ULK4: variants seen among roughly 807,000 people sequenced by gnomAD.
ULK4 encodes the protein unc-51 like kinase 4, also known as inactive serine/threonine-protein kinase ULK4.
A neutral mutation model predicts 160.6 loss-of-function variants in ULK4; 133 were observed. The ratio of observed to expected loss-of-function variants is 0.83; its 90% CI spans 0.72 to 0.96. The LOEUF (loss-of-function observed/expected upper bound fraction) is 0.96, where lower values mean the gene tolerates loss of function less well. Among genes scored for constraint, ULK4 ranks in the 40% least tolerant of loss-of-function variants. ULK4 has a pLI of 0.00. For missense variants in ULK4, 1,580 were observed against 1,499.5 expected, an observed-to-expected ratio of 1.05 and a Z score of -0.89; for synonymous variants, 534 against 539.8, an observed-to-expected ratio of 0.99 and a Z score of 0.15.
At chr3:41,906,166 G>A (rs1416690990) in intron 12 of ULK4, among the ~76,000 whole-genome samples, 14 of 126,646 alleles carry the variant, frequency 1.1e-4, no homozygotes, top group African/African-American at 3.2e-4. Context: ...GCAGTGAGCC[G>A]AGATCCCGCC....
At chr3:41,932,143 AT>A (rs1456427847) in intron 4 of ULK4, 137 bp from the exon 5 acceptor site, 8 of 725,220 alleles carry the variant, frequency 1.1e-5, no homozygotes, top group South Asian at 3.4e-5. Flanking sequence ...AATGCTTATA[AT>A]TTTTTTAAAA....
intron 15 of ULK4, among the ~76,000 whole-genome samples, chr3:41,895,992 A>T (rs1201212467): frequency 6.6e-6 from 1 of 152,194 alleles, no homozygotes; most frequent in African/African-American, 2.4e-5. Flanking sequence ...AACATGAGCC[A>T]AAAGAAACAA....
At chr3:41,319,386 A>AT (rs1278578725) in intron 35 of ULK4, among the ~76,000 whole-genome samples, 2 of 152,230 alleles carry the variant, frequency 1.3e-5, no homozygotes, top group African/African-American at 4.8e-5. Flanking sequence ...AGCACTCTTC[A>AT]TATGTCCATG....
intron 35 of ULK4, among the ~76,000 whole-genome samples, chr3:41,384,935 G>T (rs1041797204): frequency 5.9e-5 from 9 of 152,022 alleles, no homozygotes; most frequent in African/African-American, 2.2e-4. Context: ...CATGCCTGTA[G>T]TCCCAGCTAC....
At chr3:41,470,044 A>AAAAAAAAAAAAAAAAAAAC (rs1415943037) in intron 32 of ULK4, among the ~76,000 whole-genome samples, 7 of 116,752 alleles carry the variant, frequency 6.0e-5, no homozygotes, top group Non-Finnish European at 8.8e-5. Context: ...AAAAAAAAAA[A>AAAAAAAAAAAAAAAAAAAC]AACAAAGTAT....
In ULK4 at chr3:41,754,469, A is replaced by G. The variant is rs1179922757; in HGVS notation, c.2213T>C (p.Ile738Thr). ...TGTTGAGGGGCTGTCAAGTAAACGG[A>G]TAATTGTGGAGACAAAACCCTGTAG... The part of the protein sequence containing the change: ...IQEKGFVSTI[I>T]RLLDSPSTCI... Residue 738 changes from isoleucine (I) to threonine (T), a missense_variant, in exon 22 of 37, where the codon ATC (isoleucine) becomes ACC (threonine). By Grantham distance (89) the Ile-to-Thr change is moderately conservative (BLOSUM62 -1). Transcript: ENST00000301831. 3.1e-6 allele frequency: 5 copies of G among 1,613,176 alleles called. No individual in the cohort carries two copies. The African/African-American group carries it at 6.7e-5, about 22-fold the overall frequency.
At chr3:41,299,333 A>G (rs9852315) in intron 35 of ULK4, among the ~76,000 whole-genome samples, 45,408 of 152,092 alleles carry the variant, frequency 0.3, 7,135 homozygotes, top group Middle Eastern at 0.35. Context: ...CTGACCAAGG[A>G]TGCATGAGGG....
chr3:41,866,973 T>C (rs1696911052), intron 17 of ULK4, among the ~76,000 whole-genome samples: 1 of 152,184 alleles, frequency 6.6e-6, no homozygotes, highest in Non-Finnish European at 1.5e-5. Context: ...TAATTTGTAT[T>C]TTCTCTTTAC....
At chr3:41,942,612 G>A (rs991903129) in intron 2 of ULK4, among the ~76,000 whole-genome samples, 2 of 151,938 alleles carry the variant, frequency 1.3e-5, no homozygotes, top group Non-Finnish European at 2.9e-5. Flanking sequence ...GAGGTCAGGA[G>A]TTCAAAACCA....
At chr3:41,818,028 G>T (rs140692406) in intron 19 of ULK4, among the ~76,000 whole-genome samples, 467 of 150,918 alleles carry the variant, frequency 3.1e-3, no homozygotes, top group African/African-American at 0.011. Flanking sequence ...TGATGGCAAG[G>T]ATGTGAAGAA....
intron 11 of ULK4, among the ~76,000 whole-genome samples, chr3:41,911,007 T>A (rs932453539): frequency 2.0e-5 from 3 of 152,216 alleles, no homozygotes; most frequent in Non-Finnish European, 4.4e-5. Context: ...AAATTTTAAG[T>A]TCAATTCTAT....
At chr3:41,257,798 T>C (rs1047320319) in intron 35 of ULK4, among the ~76,000 whole-genome samples, 2 of 152,160 alleles carry the variant, frequency 1.3e-5, no homozygotes, top group African/African-American at 4.8e-5. Flanking sequence ...AACCAAGCTG[T>C]CCTTCAACAG....
intron 17 of ULK4, among the ~76,000 whole-genome samples, chr3:41,846,569 C>CCGAG (rs1489128496): frequency 3.3e-5 from 5 of 152,044 alleles, no homozygotes; most frequent in Admixed American, 3.3e-4. Flanking sequence ...CTTTGGGAGG[C>CCGAG]CGAGGCAGGC....
intron 32 of ULK4, among the ~76,000 whole-genome samples, chr3:41,494,964 A>C (rs1448961044): frequency 2.0e-5 from 3 of 152,252 alleles, no homozygotes; most frequent in African/African-American, 4.8e-5. Context: ...TTCCATGCTC[A>C]TAGGTAGGAA....
intron 32 of ULK4, among the ~76,000 whole-genome samples, chr3:41,473,087 G>A (rs1306305982): frequency 6.6e-6 from 1 of 152,036 alleles, no homozygotes; most frequent in African/African-American, 2.4e-5. Context: ...ACAAATCAAT[G>A]TACCTCAACA....
At chr3:41,289,808 TATGTATGTA>T (rs1475861547) in intron 35 of ULK4, among the ~76,000 whole-genome samples, 4 of 248 alleles carry the variant, frequency 0.016, no homozygotes, top group Non-Finnish European at 0.057. Flanking sequence ...TAGGTCAACT[TATGTATGTA>T]TGTATGTATG....
chr3:41,250,758 CT>C, intron 35 of ULK4, among the ~76,000 whole-genome samples: 1 of 152,376 alleles, frequency 6.6e-6, no homozygotes, highest in Middle Eastern at 3.4e-3. Context: ...CAGAGAACAG[CT>C]GCCAGTTCAA....
At chr3:41,801,727 T>C (rs1290786657) in intron 19 of ULK4, among the ~76,000 whole-genome samples, 1 of 151,946 alleles carries the variant, frequency 6.6e-6, no homozygotes, top group Non-Finnish European at 1.5e-5. Context: ...AGTACATGCC[T>C]ATACTCCCAG....
At chr3:41,808,269 A>G (rs2040712578) in intron 19 of ULK4, among the ~76,000 whole-genome samples, 1 of 152,196 alleles carries the variant, frequency 6.6e-6, no homozygotes, top group African/African-American at 2.4e-5. Flanking sequence ...TGAGCTATTT[A>G]TAGAAGCCTT....
Sources: allele counts gnomAD v4.1 joint callset (sites outside exome capture counted in the v4.1 genomes callset), GRCh38; gene constraint gnomAD v4.1.1; transcripts MANE v1.5; gene names NCBI Gene and HGNC (gene_info 2026-07-23, HGNC 2026-07-21).